FOXJ2: variants seen among roughly 807,000 people sequenced by gnomAD.
The protein encoded by FOXJ2 is forkhead box protein J2.
In FOXJ2, 18 loss-of-function variants were observed where a neutral mutation model predicts 68.4. The ratio of observed to expected loss-of-function variants is 0.26; its 90% CI spans 0.18 to 0.39. The LOEUF (loss-of-function observed/expected upper bound fraction) is 0.39, where lower values mean the gene tolerates loss of function less well. Among genes scored for constraint, FOXJ2 ranks in the 10% least tolerant of loss-of-function variants. The pLI is 1.00. For missense variants in FOXJ2, 670 were observed against 726.5 expected (o/e 0.92, Z 0.89); for synonymous variants, 274 against 263.2 (o/e 1.04, Z -0.40).
In FOXJ2 at chr12:8,040,576, C is replaced by T. The variant is rs58426621; in HGVS notation, c.333+411C>T. 0.042 allele frequency among the ~76,000 whole-genome samples: 6,406 copies of T among 152,016 alleles called. 477 individuals are homozygous for T. Among genetic ancestry groups the T allele is most frequent in the African/African-American group, 0.15 (6,096 of 41,412 alleles). Reference sequence around the variant, plus strand: ...AGTTGGGATTACAGGTGCCCGCCACCGTGCCCGGCTGATTTTTTGTATTTT... The same window carrying T: ...AGTTGGGATTACAGGTGCCCGCCACTGTGCCCGGCTGATTTTTTGTATTTT... On this transcript the variant is annotated intron_variant, in intron 2 of 10. Coordinates refer to ENST00000162391, the MANE Select transcript of FOXJ2 (RefSeq NM_018416.3). The surrounding 1 kb of genome is among the most constrained non-coding windows in gnomAD (Gnocchi z 4.0).
In FOXJ2 at chr12:8,051,696, A is replaced by G. The variant is rs115865781; in HGVS notation, c.1637-1066A>G. ...GCAGGGAGACACTAAATTGCCACAGACAGAACAAAATGAACAGGTCCTTCA... is the reference window on the plus strand; with the variant it reads ...GCAGGGAGACACTAAATTGCCACAGGCAGAACAAAATGAACAGGTCCTTCA... On this transcript the variant is annotated intron_variant, in intron 10 of 10. Transcript: ENST00000162391. Among the ~76,000 whole-genome samples, 613 of 152,284 alleles carry G rather than the reference A, an allele frequency of 4.0e-3. 2 individuals are homozygous for G. The highest frequency in any genetic ancestry group is 0.014 in the African/African-American group (581 of 41,552).
At chr12:8,044,991 CTT>C (rs974708938) in intron 6 of FOXJ2, 33 bp downstream of exon 6, 1 of 1,579,316 alleles carries the variant, frequency 6.3e-7, no homozygotes, top group African/African-American at 1.4e-5. Context: ...TGCAGGGAGA[CTT>C]TTTTATCTTG....
chr12:8,040,015 G>A lies in FOXJ2; in HGVS notation c.183G>A (p.Val61=). ...NATLSKDEAA[V]HQDGKPRYSY... ...CCCTGAGCAAAGACGAGGCAGCAGT[G>A]CACCAGGACGGCAAGCCACGATACA... The change falls in exon 2 of 11, where the codon GTG becomes GTA. Residue 61 remains valine, a synonymous_variant. Coordinates refer to ENST00000162391, the MANE Select transcript of FOXJ2 (RefSeq NM_018416.3). This position sits in a 1 kb window ranked among gnomAD's most constrained non-coding sequence, Gnocchi z 4.0. 3 of 1,614,096 alleles carry A rather than the reference G, an allele frequency of 1.9e-6. No individual in the cohort carries two copies. The highest frequency in any genetic ancestry group is 2.5e-6 in the Non-Finnish European group (3 of 1,180,028).
At position 8,035,818 on chromosome 12, in the gene FOXJ2, G is replaced by A. The variant is rs948608983; in HGVS notation, c.-15+1985G>A. Among the ~76,000 whole-genome samples, 1 of 152,202 alleles carries A rather than the reference G, an allele frequency of 6.6e-6. No homozygotes were observed. Among genetic ancestry groups the A allele is most frequent in the East Asian group, 1.9e-4 (1 of 5,182 alleles). ...TCTTATGACTACACCTAGTTCCCCC[G>A]GGAAGATAAGAGATGATAGTTCCTC... On this transcript the variant is annotated intron_variant, in intron 1 of 10. Transcript: ENST00000162391. The surrounding 1 kb of genome is among the most constrained non-coding windows in gnomAD (Gnocchi z 4.0).
chr12:8,036,813 G>T (rs919053834), intron 1 of FOXJ2, among the ~76,000 whole-genome samples: 1 of 152,168 alleles, frequency 6.6e-6, no homozygotes, highest in Admixed American at 6.5e-5. Context: ...TGGGGGCCAG[G>T]CATGGTGTTT....
chr12:8,037,126 A>G (rs1946908093), intron 1 of FOXJ2, among the ~76,000 whole-genome samples: 2 of 152,056 alleles, frequency 1.3e-5, no homozygotes, highest in Admixed American at 6.5e-5. Flanking sequence ...AACAAAAAAC[A>G]CTTCATCAGA....
At chr12:8,039,750 C>A in intron 1 of FOXJ2, 69 bp from the exon 2 acceptor site, 1 of 1,320,652 alleles carries the variant, frequency 7.6e-7, no homozygotes, top group Non-Finnish European at 1.0e-6. Flanking sequence ...AACTCTACTT[C>A]CCTCAAACAA....
chr12:8,048,403 G>T (rs1272875991), intron 7 of FOXJ2, 114 bp downstream of exon 7: 1 of 1,460,660 alleles, frequency 6.8e-7, no homozygotes, highest in Non-Finnish European at 9.0e-7. Flanking sequence ...TTTAGGCTTC[G>T]CTCCTTCATG....
At chr12:8,050,402 G>C (rs1457372750) in intron 9 of FOXJ2, 120 bp from the exon 10 acceptor site, 4 of 1,441,514 alleles carry the variant, frequency 2.8e-6, no homozygotes, top group Admixed American at 6.0e-5. Flanking sequence ...AGGAGCTACA[G>C]AACAGGGCAG....
intron 2 of FOXJ2, 104 bp from the exon 3 acceptor site, chr12:8,042,554 A>G (rs752661328): frequency 8.7e-6 from 8 of 915,582 alleles, no homozygotes; most frequent in Middle Eastern, 2.1e-4. Flanking sequence ...TGATACTTCA[A>G]CTGCATGGTG....
At chr12:8,048,872 G>C (rs941498121) in intron 8 of FOXJ2, 74 bp downstream of exon 8, 11 of 1,239,448 alleles carry the variant, frequency 8.9e-6, no homozygotes, top group South Asian at 1.2e-5. Context: ...GAACCGGAAG[G>C]GGGTGGTTAA....
intron 3 of FOXJ2, 111 bp from the exon 4 acceptor site, chr12:8,043,590 G>T: frequency 9.7e-7 from 1 of 1,032,758 alleles, no homozygotes; most frequent in Non-Finnish European, 1.5e-6. Context: ...GATTACCTCT[G>T]GCATACTCAG....
rs754368635 is a variant in FOXJ2 at position 8,050,792 on chromosome 12, G to A, written c.1636+172G>A. ...GTTACCTGCTAAGAAGGTGTGTGTC[G>A]GGGAGACTAACGAAGACAGTGTCCC... On this transcript the variant is annotated intron_variant, in intron 10 of 10. Coordinates refer to ENST00000162391, the MANE Select transcript of FOXJ2 (RefSeq NM_018416.3). Among the ~76,000 whole-genome samples, 22 of 151,706 alleles carry A rather than the reference G, an allele frequency of 1.5e-4. No homozygotes were observed. The South Asian group carries it at 2.7e-3, about 19-fold the overall frequency.
rs1946857389 is a variant in FOXJ2, at chr12:8,033,211, G to A, written c.-637G>A. On this transcript the variant is annotated 5_prime_UTR_variant, in exon 1 of 11. Transcript: ENST00000162391. ...AAGCAGAGTGAGACCACCCTAGCGC[G>A]CCCCCGCCCCTCCAAACACACACTC... The A allele has an allele frequency of 4.3e-6, 1 of 233,962 alleles. No homozygotes were observed. The highest frequency in any genetic ancestry group is 8.2e-6 in the Non-Finnish European group (1 of 121,684). 14.5% of individuals were successfully genotyped at this position (233,962 alleles called of 1,614,324 possible). A position where few individuals can be genotyped will look rare whatever the true frequency, so the allele number is the denominator to read the frequency against.
At chr12:8,034,519 C>T (rs1050603222) in intron 1 of FOXJ2, among the ~76,000 whole-genome samples, 9 of 152,164 alleles carry the variant, frequency 5.9e-5, no homozygotes, top group Admixed American at 3.3e-4. Context: ...TGCCAACTCC[C>T]GGGTTAAAGT....
rs145250097 is a variant in FOXJ2, at chr12:8,044,976, A to G, written c.817+18A>G. On this transcript the variant is annotated intron_variant, in intron 6 of 10. Transcript: ENST00000162391. ...TCAGCACGGTGAGTCTGGAGTTGGG[A>G]TGGGTGCAGGGAGACTTTTTTATCT... 3.9e-4 allele frequency: 631 copies of G among 1,612,922 alleles called. 1 individual carries two copies. The African/African-American group carries it at 7.5e-3, about 19-fold the overall frequency.
intron 3 of FOXJ2, 28 bp downstream of exon 3, chr12:8,042,760 G>A (rs1242068710): frequency 3.8e-6 from 6 of 1,585,686 alleles, no homozygotes; most frequent in Non-Finnish European, 5.2e-6. Context: ...GCATTGAAAG[G>A]AGGAGTAGGA....
chr12:8,035,244 A>G lies in FOXJ2; in HGVS notation c.-15+1411A>G, dbSNP rs753524961. On this transcript the variant is annotated intron_variant, in intron 1 of 10. Transcript: ENST00000162391. The surrounding 1 kb of genome is among the most constrained non-coding windows in gnomAD (Gnocchi z 4.0). ...TTATGTGCTTTTCAGACTATACTCC[A>G]GTTACCTAGAATTGTATGTTTCTGG... 6.6e-6 allele frequency among the ~76,000 whole-genome samples: 1 copy of G among 152,172 alleles called. No individual in the cohort carries two copies. The highest frequency in any genetic ancestry group is 1.5e-5 in the Non-Finnish European group (1 of 68,024).
chr12:8,042,766 T>C (rs762742163), intron 3 of FOXJ2, 34 bp downstream of exon 3: 1 of 1,567,878 alleles, frequency 6.4e-7, no homozygotes, highest in South Asian at 1.1e-5. Context: ...AAAGGAGGAG[T>C]AGGAAGGAGA....
Sources: allele counts gnomAD v4.1 joint callset (sites outside exome capture counted in the v4.1 genomes callset), GRCh38; gene constraint gnomAD v4.1.1; non-coding constraint Gnocchi (gnomAD v3.1); transcripts MANE v1.5; gene names NCBI Gene and HGNC (gene_info 2026-07-23, HGNC 2026-07-21).